The following NCKAP1L variants were observed in gnomAD, a reference collection of about 807,000 sequenced individuals.
The protein encoded by NCKAP1L is nck-associated protein 1-like.
In NCKAP1L, 53 loss-of-function variants were observed where a neutral mutation model predicts 139.2. The ratio of observed to expected loss-of-function variants is 0.38; its 90% CI spans 0.31 to 0.48. The LOEUF (loss-of-function observed/expected upper bound fraction) is 0.48. NCKAP1L is among the 20% of genes least tolerant of loss of function. The pLI, the probability that NCKAP1L is intolerant of heterozygous loss-of-function variation, is 0.98. For synonymous variants in NCKAP1L, 468 were observed against 499.7 expected (o/e 0.94, Z 0.85); for missense variants, 1,151 against 1,381.9 (o/e 0.83, Z 2.65).
intron 10 of NCKAP1L, among the ~76,000 whole-genome samples, chr12:54,516,532 A>G (rs1486223472): frequency 6.8e-6 from 1 of 147,638 alleles, no homozygotes; most frequent in African/African-American, 2.5e-5. Context: ...TGCAACCTCC[A>G]TCTCCTGGGT....
chr12:54,533,647 A>T (rs1350555910), intron 26 of NCKAP1L, among the ~76,000 whole-genome samples: 17 of 151,874 alleles, frequency 1.1e-4, no homozygotes, highest in Non-Finnish European at 2.5e-4. Context: ...GCTCACTGCA[A>T]CCTCTACCTC....
At chr12:54,508,974 A>G (rs1956864257) in intron 5 of NCKAP1L, among the ~76,000 whole-genome samples, 1 of 152,210 alleles carries the variant, frequency 6.6e-6, no homozygotes, top group African/African-American at 2.4e-5. Context: ...AATTTGCATC[A>G]TCTCTGAACA....
chr12:54,514,000 G>GTGTA (rs1491026240), intron 9 of NCKAP1L, among the ~76,000 whole-genome samples: 1 of 143,408 alleles, frequency 7.0e-6, no homozygotes, highest in East Asian at 2.0e-4. Flanking sequence ...GTGTGTGTGT[G>GTGTA]TATAAACACA....
intron 1 of NCKAP1L, chr12:54,498,919 A>C: frequency 6.8e-6 from 2 of 293,576 alleles, no homozygotes; most frequent in Non-Finnish European, 9.9e-6. Flanking sequence ...TTTTATATTT[A>C]TTTATTTATT....
At chr12:54,528,428 T>C (rs1957043319) in intron 22 of NCKAP1L, 51 bp downstream of exon 22, 2 of 1,589,952 alleles carry the variant, frequency 1.3e-6, no homozygotes, top group African/African-American at 1.4e-5. Flanking sequence ...CTTCCTTCAA[T>C]GCACAGAGAA....
chr12:54,508,273 C>A, intron 4 of NCKAP1L, 116 bp from the exon 5 acceptor site: 1 of 1,111,040 alleles, frequency 9.0e-7, no homozygotes, highest in Non-Finnish European at 1.3e-6. Flanking sequence ...TCAGTTCCTA[C>A]TTCTAAATAG....
chr12:54,535,127 G>A lies in NCKAP1L; in HGVS notation c.2886G>A (p.Leu962=), dbSNP rs1382066715. 1.7e-5 allele frequency: 27 copies of A among 1,613,122 alleles called. No homozygotes were observed. The highest frequency in any genetic ancestry group is 2.3e-5 in the Non-Finnish European group (27 of 1,179,560). The change falls in exon 27 of 31, where the codon CTG becomes CTA. Residue 962 remains leucine, a synonymous_variant. Transcript: ENST00000293373. ...DIKVTLSIFE[L]ASAAGVGCDI... ...AGGTGACCTTGAGTATCTTTGAGCT[G>A]GCATCTGCTGCAGGTGTGGGCTGTG... is the stretch of plus-strand genomic sequence containing the variant.
chr12:54,510,653 G>T (rs1292032418), intron 7 of NCKAP1L, among the ~76,000 whole-genome samples: 1 of 151,786 alleles, frequency 6.6e-6, no homozygotes, highest in African/African-American at 2.4e-5. Flanking sequence ...GCGACTACAG[G>T]CATGTGCCGC....
At chr12:54,526,329 C>T (rs183635431) in intron 20 of NCKAP1L, among the ~76,000 whole-genome samples, 199 bp from the exon 21 acceptor site, 84 of 152,274 alleles carry the variant, frequency 5.5e-4, no homozygotes, top group African/African-American at 1.9e-3. Flanking sequence ...GATTTATTAT[C>T]TCTGTGTCTC....
chr12:54,503,169 A>C (rs1017429481), intron 3 of NCKAP1L, among the ~76,000 whole-genome samples: 1 of 152,120 alleles, frequency 6.6e-6, no homozygotes, highest in Non-Finnish European at 1.5e-5. Flanking sequence ...GACATTTTTG[A>C]AGAGTCTGGG....
intron 3 of NCKAP1L, among the ~76,000 whole-genome samples, chr12:54,505,343 C>T (rs1041506089): frequency 6.6e-5 from 10 of 152,090 alleles, no homozygotes; most frequent in African/African-American, 2.2e-4. Flanking sequence ...GTAAGAAGCA[C>T]TTTTCCTACA....
chr12:54,516,654 C>T (rs1956934415), intron 10 of NCKAP1L, among the ~76,000 whole-genome samples: 1 of 152,104 alleles, frequency 6.6e-6, no homozygotes. Flanking sequence ...CCATGTTGGC[C>T]ATGCTGGTCT....
Position 54,530,786 on chromosome 12 carries a change from T to A in NCKAP1L, c.2507-474T>A, listed in dbSNP as rs148903623. Among the ~76,000 whole-genome samples, 638 of 152,346 alleles carry A rather than the reference T, an allele frequency of 4.2e-3. 4 individuals carry two copies. Among genetic ancestry groups the A allele is most frequent in the African/African-American group, 0.015 (622 of 41,576 alleles). On this transcript the variant is annotated intron_variant, in intron 22 of 30. Transcript: ENST00000293373. ...CATCATCATAATACTCCTTTATCCA[T>A]ATATTTTCCAAAGTTTTTATAATGT...
chr12:54,511,825 T>C lies in NCKAP1L; in HGVS notation c.758T>C (p.Val253Ala). 1.2e-6 allele frequency: 2 copies of C among 1,614,188 alleles called. No homozygotes were observed. The highest frequency in any genetic ancestry group is 1.7e-6 in the Non-Finnish European group (2 of 1,180,016). The change falls in exon 8 of 31, where the codon GTG becomes GCG. Residue 253 changes from valine to alanine, a missense_variant. Coordinates refer to ENST00000293373, the MANE Select transcript of NCKAP1L (RefSeq NM_005337.5). ...CAGATGGCCTGTGAGTATCTGTCTG[T>C]GGAAGTAATGGAGCGCTGGATTATC... Reference protein sequence around the residue: ...SDTMACEYLSVEVMERWIIIG... With the variant: ...SDTMACEYLSAEVMERWIIIG...
chr12:54,538,026 C>T (rs1158391308), intron 29 of NCKAP1L, among the ~76,000 whole-genome samples: 1 of 152,136 alleles, frequency 6.6e-6, no homozygotes, highest in African/African-American at 2.4e-5. Flanking sequence ...ATACATGGTC[C>T]ATTCCCCTCT....
rs1957177797 is a variant in NCKAP1L at position 54,543,747 on chromosome 12, A to ATAGCACTAAAC, written c.*1066_*1076dup. 6.6e-6 allele frequency: 1 copy of ATAGCACTAAAC among 152,202 alleles called. No individual in the cohort carries two copies. The highest frequency in any genetic ancestry group is 1.5e-5 in the Non-Finnish European group (1 of 68,044). 9.4% of individuals were successfully genotyped at this position (152,202 alleles called of 1,614,324 possible). On this transcript the variant is annotated 3_prime_UTR_variant, in exon 31 of 31. Transcript: ENST00000293373. ...GTCACAGAGCCTGGGGGCTTTCAAG[A>ATAGCACTAAAC]TAGCACTAAACTAGGTTTACTTAAC...
intron 19 of NCKAP1L, 28 bp downstream of exon 19, chr12:54,523,567 C>G: frequency 1.3e-6 from 2 of 1,594,700 alleles, no homozygotes; most frequent in Non-Finnish European, 1.7e-6. Flanking sequence ...AGATGGCCAG[C>G]TGGGTACTGC....
intron 22 of NCKAP1L, among the ~76,000 whole-genome samples, 196 bp from the exon 23 acceptor site, chr12:54,531,064 G>C (rs1289751231): frequency 2.0e-5 from 3 of 152,226 alleles, no homozygotes; most frequent in Admixed American, 6.5e-5. Flanking sequence ...AGTACCAGTG[G>C]AGAGAGGGTA....
chr12:54,542,600 C>T lies in NCKAP1L; in HGVS notation c.3299C>T (p.Thr1100Ile). 1 of 1,614,152 alleles carries T rather than the reference C, an allele frequency of 6.2e-7. No homozygotes were observed. Among genetic ancestry groups the T allele is most frequent in the Non-Finnish European group, 8.5e-7 (1 of 1,179,972 alleles). Reference sequence around the variant, plus strand: ...GTGGTGGAGGAGTCATCCTTCCTGACCCTGGACATGCTGGAGTCCTGTTTC... The same window carrying T: ...GTGGTGGAGGAGTCATCCTTCCTGATCCTGGACATGCTGGAGTCCTGTTTC... ...RLVVEESSFLTLDMLESCFPY... is the reference protein window; with the variant it reads ...RLVVEESSFLILDMLESCFPY... Residue 1100 changes from threonine (T) to isoleucine (I), a missense_variant, in exon 31 of 31, where the codon ACC (threonine) becomes ATC (isoleucine). Physicochemically the swap from Thr to Ile is moderately conservative, Grantham distance 89. Transcript: ENST00000293373.
Sources: gnomAD v4.1 joint callset for allele counts (sites outside exome capture counted in the v4.1 genomes callset) on GRCh38, gnomAD v4.1.1 for gene constraint, MANE v1.5 for transcripts, NCBI Gene and HGNC (gene_info 2026-07-23, HGNC 2026-07-21) for gene names.